The following PCDHGB2 variants were observed in gnomAD, a reference collection of about 807,000 sequenced individuals.
PCDHGB2 encodes protocadherin gamma-B2.
In PCDHGB2, 55 loss-of-function variants were observed where a neutral mutation model predicts 59.3. The ratio of observed to expected loss-of-function variants is 0.93; its 90% CI spans 0.75 to 1.16. PCDHGB2 has a LOEUF of 1.16. Ranked by LOEUF, PCDHGB2 falls within the 50% of genes most tolerant of loss-of-function variation. PCDHGB2 has a pLI of 0.00. For missense variants in PCDHGB2, 1,228 were observed against 1,198.5 expected, an observed-to-expected ratio of 1.02 and a Z score of -0.36; for synonymous variants, 516 against 512.0, an observed-to-expected ratio of 1.01 and a Z score of -0.11.
intron 2 of PCDHGB2, among the ~76,000 whole-genome samples, chr5:141,498,795 T>C (rs2099785702): frequency 6.6e-6 from 1 of 152,032 alleles, no homozygotes; most frequent in Admixed American, 6.6e-5. Context: ...TAGCCAGGTG[T>C]GGTGGTGCAC....
intron 1 of PCDHGB2, chr5:141,399,217 TTGATCAAAATACA>T (rs2093771382): frequency 6.2e-7 from 1 of 1,613,854 alleles, no homozygotes; most frequent in African/African-American, 1.3e-5. Context: ...ACTAATTGCT[TTGATCAAAATACA>T]TGACCAAGAT....
chr5:141,492,553 G>C (rs1184580300), intron 1 of PCDHGB2, among the ~76,000 whole-genome samples: 1 of 152,148 alleles, frequency 6.6e-6, no homozygotes, highest in Non-Finnish European at 1.5e-5. Flanking sequence ...CGGGTCGCCT[G>C]GGGGGCGGCC....
chr5:141,375,444 A>C, intron 1 of PCDHGB2: 4 of 1,613,844 alleles, frequency 2.5e-6, no homozygotes, highest in Non-Finnish European at 3.4e-6. Context: ...ACCTTCCCCC[A>C]TTCATCCTAC....
chr5:141,450,491 G>C (rs1264524088), intron 1 of PCDHGB2, among the ~76,000 whole-genome samples: 1 of 151,896 alleles, frequency 6.6e-6, no homozygotes, highest in Non-Finnish European at 1.5e-5. Context: ...TTGTTTGTCT[G>C]TTTGTTTGTT....
intron 1 of PCDHGB2, among the ~76,000 whole-genome samples, chr5:141,426,030 G>A (rs966664613): frequency 1.3e-5 from 2 of 152,168 alleles, no homozygotes; most frequent in Admixed American, 6.5e-5. Context: ...AATAGACTCA[G>A]AGCCCTGCTG....
Position 141,487,870 on chromosome 5 carries a change from C to A in PCDHGB2, c.2422-6937C>A. On this transcript the variant is annotated intron_variant, in intron 1 of 3. Transcript: ENST00000522605. This position sits in a 1 kb window ranked among gnomAD's most constrained non-coding sequence, Gnocchi z 5.0. ...AATGAAAGTAATTGGTGATCAAGAGCCAGGCTGTTGTGGAAGCATGATGAT... is the reference window on the plus strand; with the variant it reads ...AATGAAAGTAATTGGTGATCAAGAGACAGGCTGTTGTGGAAGCATGATGAT... 3.5e-6 allele frequency: 3 copies of A among 865,052 alleles called. No individual in the cohort carries two copies. The highest frequency in any genetic ancestry group is 5.3e-6 in the Non-Finnish European group (3 of 568,628). The allele number at this position is 865,052 out of a possible 1,614,324, so 53.6% of individuals were successfully genotyped here.
intron 1 of PCDHGB2, chr5:141,389,158 G>A (rs774342496): frequency 5.0e-6 from 8 of 1,613,850 alleles, no homozygotes; most frequent in African/African-American, 2.7e-5. Context: ...GCAACAGATC[G>A]GGGCAAGCCT....
In PCDHGB2 at chr5:141,476,016, G is replaced by C; in HGVS notation, c.2422-18791G>C. On this transcript the variant is annotated intron_variant, in intron 1 of 3. Transcript: ENST00000522605. This position sits in a 1 kb window ranked among gnomAD's most constrained non-coding sequence, Gnocchi z 7.6. ...TCAACGGCATCCAGAAAGCCATGTC[G>C]GACTCGGCGCCCAGCGCCCAAGCGC... 1 of 1,359,386 alleles carries C rather than the reference G, an allele frequency of 7.4e-7. No homozygotes were observed. The highest frequency in any genetic ancestry group is 2.3e-5 in the East Asian group (1 of 43,300). 84.2% of individuals were successfully genotyped at this position (1,359,386 alleles called of 1,614,324 possible).
chr5:141,499,751 A>G (rs1355923543), intron 2 of PCDHGB2, among the ~76,000 whole-genome samples: 2 of 149,258 alleles, frequency 1.3e-5, no homozygotes, highest in Non-Finnish European at 3.0e-5. Flanking sequence ...CTGTGGCACA[A>G]TCTCAGCTCA....
In PCDHGB2 at chr5:141,485,513, T is replaced by C. The variant is rs751762068; in HGVS notation, c.2422-9294T>C. The C allele has an allele frequency of 4.3e-6, 7 of 1,613,938 alleles. No homozygotes were observed. The highest frequency in any genetic ancestry group is 2.2e-5 in the East Asian group (1 of 44,890). On this transcript the variant is annotated intron_variant, in intron 1 of 3. Coordinates refer to ENST00000522605, the MANE Select transcript of PCDHGB2 (RefSeq NM_018923.3). The surrounding 1 kb of genome is among the most constrained non-coding windows in gnomAD (Gnocchi z 5.7). ...CCTGGAGTTTGTCACCGAAGGTCCTTTGGAAATGTACCGAGCAGAGGTAGA... is the reference window on the plus strand; with the variant it reads ...CCTGGAGTTTGTCACCGAAGGTCCTCTGGAAATGTACCGAGCAGAGGTAGA...
At chr5:141,365,272 C>A in intron 1 of PCDHGB2, 1 of 1,613,984 alleles carries the variant, frequency 6.2e-7, no homozygotes, top group Non-Finnish European at 8.5e-7. Context: ...AATCCAGATT[C>A]TACCTCATGG....
intron 1 of PCDHGB2, chr5:141,364,690 A>G (rs754705935): frequency 2.5e-6 from 4 of 1,613,978 alleles, no homozygotes; most frequent in Non-Finnish European, 3.4e-6. Flanking sequence ...ATGGAGTAGA[A>G]GTAGAAATAA....
chr5:141,382,821 CAG>C, intron 1 of PCDHGB2: 1 of 1,306,412 alleles, frequency 7.7e-7, no homozygotes, highest in South Asian at 1.5e-5. Context: ...CTTCCTAAGA[CAG>C]AGGGGTCCAC....
chr5:141,413,371 C>G (rs752898022), intron 1 of PCDHGB2: 1 of 1,613,966 alleles, frequency 6.2e-7, no homozygotes, highest in Non-Finnish European at 8.5e-7. Context: ...GCTGGCGGAG[C>G]GCGGAGTCCG....
Position 141,489,276 on chromosome 5 carries a change from AT to A in PCDHGB2, c.2422-5530del, listed in dbSNP as rs2099684949. 1.9e-6 allele frequency: 3 copies of A among 1,556,004 alleles called. No homozygotes were observed. Among genetic ancestry groups the A allele is most frequent in the Non-Finnish European group, 2.6e-6 (3 of 1,151,570 alleles). ...AGACACTCCCACAGCTCGCTGGGAA[AT>A]GGCAAGTGCTGTGCATGTTGTCCTT... On this transcript the variant is annotated intron_variant, in intron 1 of 3. Coordinates refer to ENST00000522605, the MANE Select transcript of PCDHGB2 (RefSeq NM_018923.3). This position sits in a 1 kb window ranked among gnomAD's most constrained non-coding sequence, Gnocchi z 4.5.
At chr5:141,390,409 A>C in intron 1 of PCDHGB2, 2 of 1,247,634 alleles carry the variant, frequency 1.6e-6, no homozygotes, top group East Asian at 2.4e-5. Context: ...GGAAAGTTGT[A>C]GTCAGTTAAA....
At chr5:141,389,408 G>A (rs2091745894) in intron 1 of PCDHGB2, 6 of 1,613,494 alleles carry the variant, frequency 3.7e-6, no homozygotes, top group Admixed American at 1.7e-5. Flanking sequence ...TAAGCGCGGA[G>A]AGCGGGGTGG....
rs551414580 is a variant in PCDHGB2, at chr5:141,493,693, C to T, written c.2422-1114C>T. ...GCCCCAGAATGGTGCTGGTGACTCC[C>T]GATACACCTGGAATGCTAGGTTTCT... On this transcript the variant is annotated intron_variant, in intron 1 of 3. Coordinates refer to ENST00000522605, the MANE Select transcript of PCDHGB2 (RefSeq NM_018923.3). This position sits in a 1 kb window ranked among gnomAD's most constrained non-coding sequence, Gnocchi z 4.3. 5.3e-5 allele frequency among the ~76,000 whole-genome samples: 8 copies of T among 152,168 alleles called. No individual in the cohort carries two copies. Among genetic ancestry groups the T allele is most frequent in the Non-Finnish European group, 1.0e-4 (7 of 68,032 alleles).
intron 1 of PCDHGB2, among the ~76,000 whole-genome samples, chr5:141,448,344 A>G (rs2098583423): frequency 6.6e-6 from 1 of 152,080 alleles, no homozygotes; most frequent in Admixed American, 6.6e-5. Flanking sequence ...CATGTACCTC[A>G]ATCTTAGTAG....
Sources: gnomAD v4.1 joint callset for allele counts (sites outside exome capture counted in the v4.1 genomes callset) on GRCh38, gnomAD v4.1.1 for gene constraint, Gnocchi (gnomAD v3.1) non-coding constraint, MANE v1.5 for transcripts, NCBI Gene and HGNC (gene_info 2026-07-23, HGNC 2026-07-21) for gene names.